Variants in ZMIZ1 observed in about 807,000 individuals in gnomAD.
The protein encoded by ZMIZ1 is zinc finger MIZ-type containing 1, also known as zinc finger MIZ domain-containing protein 1.
In ZMIZ1, 17 loss-of-function variants were observed where a neutral mutation model predicts 113.9. That is an observed-to-expected ratio of 0.15 (90% confidence interval 0.10 to 0.22). The LOEUF is 0.22. ZMIZ1 is among the 10% of genes least tolerant of loss of function. ZMIZ1 has a pLI of 1.00. For missense variants in ZMIZ1, 1,059 were observed against 1,477.8 expected (o/e 0.72, Z 4.65); for synonymous variants, 607 against 603.1 (o/e 1.01, Z -0.09).
chr10:79,138,268 A>G (rs1216643731), intron 2 of ZMIZ1, among the ~76,000 whole-genome samples: 1 of 152,242 alleles, frequency 6.6e-6, no homozygotes, highest in African/African-American at 2.4e-5. Context: ...CGCCAAGAGC[A>G]TAGGTTGTAG....
chr10:79,185,235 C>T (rs553600682), intron 4 of ZMIZ1, among the ~76,000 whole-genome samples: 2 of 151,496 alleles, frequency 1.3e-5, no homozygotes, highest in Non-Finnish European at 3.0e-5. Context: ...GCTGTTAAGA[C>T]GCCCCCCTCC....
intron 4 of ZMIZ1, among the ~76,000 whole-genome samples, chr10:79,173,486 G>C (rs1056131428): frequency 6.6e-6 from 1 of 152,150 alleles, no homozygotes; most frequent in African/African-American, 2.4e-5. Context: ...TTAGGCCACA[G>C]AGGACAGTGG....
At chr10:79,277,463 T>A in intron 8 of ZMIZ1, 138 bp downstream of exon 8, 1 of 1,147,440 alleles carries the variant, frequency 8.7e-7, no homozygotes, top group Non-Finnish European at 1.1e-6. Flanking sequence ...GTTGTTTTTT[T>A]ACATCTTCGT....
Position 79,277,287 on chromosome 10 carries a change from C to CAGCTCCATG in ZMIZ1, c.398_406dup (p.Ser133_Met135dup). 2 of 1,602,746 alleles carry CAGCTCCATG rather than the reference C, an allele frequency of 1.2e-6. No individual in the cohort carries two copies. Among genetic ancestry groups the CAGCTCCATG allele is most frequent in the South Asian group, 2.2e-5 (2 of 89,426 alleles). ...GGAAACTCCCCATGCAGCCCCCTCT[C>CAGCTCCATG]AGCTCCATGAGCTCCATGAAACCCA... is the stretch of plus-strand genomic sequence containing the variant. On this transcript the variant is annotated inframe_insertion, in exon 8 of 25. Coordinates refer to ENST00000334512, the MANE Select transcript of ZMIZ1 (RefSeq NM_020338.4).
At chr10:79,310,857 C>T (rs1207262588) in intron 23 of ZMIZ1, 67 bp from the exon 24 acceptor site, 2 of 1,523,000 alleles carry the variant, frequency 1.3e-6, no homozygotes, top group East Asian at 2.4e-5. Context: ...GTTTCATTTT[C>T]TCCAGGCATC....
Position 79,218,011 on chromosome 10 carries a change from A to T in ZMIZ1, c.280+1737A>T, listed in dbSNP as rs140089159. Among the ~76,000 whole-genome samples the T allele has an allele frequency of 6.2e-3, 937 of 152,340 alleles. 6 individuals are homozygous for T. Among genetic ancestry groups the T allele is most frequent in the Non-Finnish European group, 0.01 (692 of 68,026 alleles). ...GCACCCAGCAAGGGCTGAATTTGCA[A>T]GGGCAACTAAACAGAAAGGGTCCTG... On this transcript the variant is annotated intron_variant, in intron 7 of 24. Coordinates refer to ENST00000334512, the MANE Select transcript of ZMIZ1 (RefSeq NM_020338.4).
chr10:79,304,029 A>C lies in ZMIZ1; in HGVS notation c.2140A>C (p.Ser714Arg). Reference sequence around the variant, plus strand: ...CTGCCCCGCAGTCAAGCGGAATTTCAGCAGCGTGGCTGCCTCCTCGGGCAA... The same window carrying C: ...CTGCCCCGCAGTCAAGCGGAATTTCCGCAGCGTGGCTGCCTCCTCGGGCAA... ...HCITKIKRNFSSVAASSGNTT... is the reference protein window; with the variant it reads ...HCITKIKRNFRSVAASSGNTT... Residue 714 changes from serine to arginine, a missense_variant, in exon 19 of 25, where the codon AGC becomes CGC. Ser to Arg is a moderately radical substitution (Grantham distance 110). Transcript: ENST00000334512. 6.2e-7 allele frequency: 1 copy of C among 1,614,120 alleles called. No homozygotes were observed. Among genetic ancestry groups the C allele is most frequent in the Non-Finnish European group, 8.5e-7 (1 of 1,180,046 alleles).
At chr10:79,215,188 G>A (rs763698048) in intron 6 of ZMIZ1, among the ~76,000 whole-genome samples, 17 of 152,226 alleles carry the variant, frequency 1.1e-4, no homozygotes, top group Non-Finnish European at 2.2e-4. Context: ...TGAGGGGGCT[G>A]CAGGGTGCTT....
At position 79,138,259 on chromosome 10, in the gene ZMIZ1, G is replaced by A. The variant is rs113746264; in HGVS notation, c.-226-1423G>A. Among the ~76,000 whole-genome samples, 1,025 of 152,346 alleles carry A rather than the reference G, an allele frequency of 6.7e-3. 5 individuals carry two copies. Among genetic ancestry groups the A allele is most frequent in the African/African-American group, 0.019 (770 of 41,582 alleles). ...CCCCAGGAGCCCACAGGGTCAGAGC[G>A]CCAAGAGCATAGGTTGTAGGGCTCA... On this transcript the variant is annotated intron_variant, in intron 2 of 24. Transcript: ENST00000334512.
At chr10:79,294,936 A>AT (rs1589586724) in intron 12 of ZMIZ1, 1 of 103,458 alleles carries the variant, frequency 9.7e-6, no homozygotes, top group South Asian at 3.2e-4. Flanking sequence ...TCAGGAGGGG[A>AT]GAGAGAGGGG....
intron 1 of ZMIZ1, among the ~76,000 whole-genome samples, chr10:79,079,075 C>T (rs1306672511): frequency 2.0e-5 from 3 of 152,198 alleles, no homozygotes; most frequent in Admixed American, 2.0e-4. Context: ...GCCTTTCCAC[C>T]TCTTTTTAAC....
intron 1 of ZMIZ1, among the ~76,000 whole-genome samples, chr10:79,114,041 G>T (rs529502452): frequency 6.6e-6 from 1 of 152,176 alleles, no homozygotes; most frequent in Non-Finnish European, 1.5e-5. Context: ...CTTGCCTGCC[G>T]GACTCCTACC....
intron 4 of ZMIZ1, among the ~76,000 whole-genome samples, chr10:79,194,258 G>T (rs910928365): frequency 1.3e-5 from 2 of 152,268 alleles, no homozygotes; most frequent in African/African-American, 4.8e-5. Context: ...ATCTGTGTTG[G>T]CATCCAGCAT....
At chr10:79,190,043 C>T (rs1310733819) in intron 4 of ZMIZ1, among the ~76,000 whole-genome samples, 1 of 152,228 alleles carries the variant, frequency 6.6e-6, no homozygotes, top group Non-Finnish European at 1.5e-5. Flanking sequence ...GCCCAGCTCC[C>T]ACCCCCGGAT....
Position 79,305,242 on chromosome 10 carries a change from C to T in ZMIZ1, c.2354+11C>T. On this transcript the variant is annotated intron_variant, in intron 20 of 24. Coordinates refer to ENST00000334512, the MANE Select transcript of ZMIZ1 (RefSeq NM_020338.4). ...GTGTCCTGTGTGCAAGTGAGTGATG[C>T]CCACCCCGGTGGGGGCTTCCCCCAT... 1.2e-6 allele frequency: 2 copies of T among 1,613,660 alleles called. No individual in the cohort carries two copies. Among genetic ancestry groups the T allele is most frequent in the Non-Finnish European group, 1.7e-6 (2 of 1,179,816 alleles).
At chr10:79,128,880 G>A (rs538541397) in intron 2 of ZMIZ1, among the ~76,000 whole-genome samples, 6 of 152,318 alleles carry the variant, frequency 3.9e-5, no homozygotes, top group East Asian at 1.9e-4. Context: ...GAGCCTGGGC[G>A]TGCTTAACCC....
chr10:79,310,007 A>G (rs1015472148), intron 23 of ZMIZ1, among the ~76,000 whole-genome samples: 65 of 152,146 alleles, frequency 4.3e-4, no homozygotes, highest in African/African-American at 1.5e-3. Flanking sequence ...TAGCAGGGGA[A>G]TGTTCACATC....
intron 8 of ZMIZ1, among the ~76,000 whole-genome samples, chr10:79,279,212 C>T (rs1015471736): frequency 6.6e-6 from 1 of 151,336 alleles, no homozygotes; most frequent in Admixed American, 6.6e-5. Context: ...CCGGACGGGG[C>T]GGCTGCCGGG....
intron 7 of ZMIZ1, among the ~76,000 whole-genome samples, chr10:79,235,392 C>G (rs1353628040): frequency 6.6e-6 from 1 of 152,206 alleles, no homozygotes; most frequent in African/African-American, 2.4e-5. Flanking sequence ...CTGCCCAGAG[C>G]ACACCGAGGT....
Sources: allele counts gnomAD v4.1 joint callset (sites outside exome capture counted in the v4.1 genomes callset), GRCh38; gene constraint gnomAD v4.1.1; transcripts MANE v1.5; gene names NCBI Gene and HGNC (gene_info 2026-07-23, HGNC 2026-07-21).